NFAT5: variants seen among roughly 807,000 people sequenced by gnomAD.
The protein encoded by NFAT5 is nuclear factor of activated T-cells 5.
NFAT5 carries 31 observed loss-of-function variants against 166.5 expected under a neutral mutation model. The ratio of observed to expected loss-of-function variants is 0.19; its 90% CI spans 0.14 to 0.25. The LOEUF (loss-of-function observed/expected upper bound fraction) is 0.25. Among genes scored for constraint, NFAT5 ranks in the 10% least tolerant of loss-of-function variants. NFAT5 has a pLI of 1.00. For synonymous variants in NFAT5, 612 were observed against 639.7 expected, an observed-to-expected ratio of 0.96 and a Z score of 0.65; for missense variants, 1,449 against 1,821.8, an observed-to-expected ratio of 0.80 and a Z score of 3.72.
chr16:69,647,673 C>A lies in NFAT5; in HGVS notation c.812+87C>A. On this transcript the variant is annotated intron_variant, in intron 4 of 14. Coordinates refer to ENST00000349945, the MANE Select transcript of NFAT5 (RefSeq NM_138713.4). This position sits in a 1 kb window ranked among gnomAD's most constrained non-coding sequence, Gnocchi z 4.8. ...TTCCCAATTTTTCCTAATTGCTGAG[C>A]TCAAGTTTGCATATAAAGCAACAGT... 1 of 1,247,114 alleles carries A rather than the reference C, an allele frequency of 8.0e-7. No homozygotes were observed. The highest frequency in any genetic ancestry group is 1.1e-6 in the Non-Finnish European group (1 of 909,790). The allele number at this position is 1,247,114 out of a possible 1,614,324, so 77.3% of individuals were successfully genotyped here. A position where few individuals can be genotyped will look rare whatever the true frequency, so the allele number is the denominator to read the frequency against.
chr16:69,627,279 T>A (rs1352568449), intron 3 of NFAT5, among the ~76,000 whole-genome samples: 1 of 144,282 alleles, frequency 6.9e-6, no homozygotes, highest in Non-Finnish European at 1.5e-5. Flanking sequence ...CACCTAATAT[T>A]GGATTTATAG....
At chr16:69,658,463 A>G (rs1253598485) in intron 6 of NFAT5, among the ~76,000 whole-genome samples, 1 of 151,948 alleles carries the variant, frequency 6.6e-6, no homozygotes, top group Non-Finnish European at 1.5e-5. Flanking sequence ...AGCCTGGGCA[A>G]CAAGAGCGAA....
chr16:69,587,947 T>A (rs1036840431), intron 2 of NFAT5, among the ~76,000 whole-genome samples: 4 of 126,986 alleles, frequency 3.1e-5, no homozygotes, highest in Non-Finnish European at 6.4e-5. Context: ...GTGCTTTCTT[T>A]TTTTTTTTTT....
chr16:69,634,534 C>T (rs1419061280), intron 3 of NFAT5, among the ~76,000 whole-genome samples: 1 of 152,080 alleles, frequency 6.6e-6, no homozygotes, highest in Non-Finnish European at 1.5e-5. Context: ...ATATATGTAT[C>T]AAGTATGTGT....
intron 2 of NFAT5, among the ~76,000 whole-genome samples, chr16:69,584,312 CTG>C (rs1056109880): frequency 4.7e-5 from 7 of 149,582 alleles, no homozygotes; most frequent in African/African-American, 1.7e-4. Context: ...TGTATTTGTT[CTG>C]TGTCTCTTTT....
At chr16:69,658,304 G>A (rs978987292) in intron 6 of NFAT5, among the ~76,000 whole-genome samples, 17 of 151,644 alleles carry the variant, frequency 1.1e-4, no homozygotes, top group South Asian at 2.1e-4. Context: ...CCAACATGGC[G>A]AAACCCCATC....
chr16:69,657,683 C>T (rs1228821466), intron 6 of NFAT5, among the ~76,000 whole-genome samples: 3 of 138,288 alleles, frequency 2.2e-5, no homozygotes, highest in South Asian at 2.4e-4. Context: ...TGCTTGAAGC[C>T]GGGAGGTGGA....
chr16:69,590,168 T>C lies in NFAT5; in HGVS notation c.127+21620T>C, dbSNP rs965148498. On this transcript the variant is annotated intron_variant, in intron 2 of 14. Transcript: ENST00000349945. ...CAGCTTGGGCGACAGAATGAGACCC[T>C]GTCTCAAATAATAAAAAAATAAATA... Among the ~76,000 whole-genome samples, 16 of 152,288 alleles carry C rather than the reference T, an allele frequency of 1.1e-4. 2 individuals carry two copies. Among genetic ancestry groups the C allele is most frequent in the East Asian group, 3.9e-4 (2 of 5,188 alleles).
intron 9 of NFAT5, among the ~76,000 whole-genome samples, chr16:69,672,770 A>G (rs1397253058): frequency 6.6e-6 from 1 of 152,132 alleles, no homozygotes; most frequent in Non-Finnish European, 1.5e-5. Context: ...GTATGCTATG[A>G]ACATGTTTTG....
chr16:69,613,245 A>G (rs2033786486), intron 2 of NFAT5, among the ~76,000 whole-genome samples: 1 of 152,194 alleles, frequency 6.6e-6, no homozygotes, highest in African/African-American at 2.4e-5. Flanking sequence ...GCCTTGGTTC[A>G]GGATTTCATT....
At chr16:69,636,749 T>C (rs554595884) in intron 3 of NFAT5, among the ~76,000 whole-genome samples, 64 of 152,246 alleles carry the variant, frequency 4.2e-4, no homozygotes, top group South Asian at 2.3e-3. Context: ...ATGGGGACCC[T>C]GGGCCCAGCA....
At chr16:69,625,418 A>G (rs985990385) in intron 2 of NFAT5, among the ~76,000 whole-genome samples, 1 of 152,084 alleles carries the variant, frequency 6.6e-6, no homozygotes, top group Non-Finnish European at 1.5e-5. Context: ...ATCGTAATCT[A>G]ATATAGGTAT....
chr16:69,662,389 A>T (rs1039822034), intron 7 of NFAT5, among the ~76,000 whole-genome samples: 1 of 152,146 alleles, frequency 6.6e-6, no homozygotes, highest in Admixed American at 6.5e-5. Context: ...TGATTGGAAT[A>T]AAAAGATATA....
chr16:69,624,656 T>A (rs960770414), intron 2 of NFAT5, among the ~76,000 whole-genome samples: 4 of 152,210 alleles, frequency 2.6e-5, no homozygotes, highest in Non-Finnish European at 5.9e-5. Context: ...ACTTTAGTGA[T>A]TAACTAGGAA....
intron 3 of NFAT5, among the ~76,000 whole-genome samples, chr16:69,633,400 A>C (rs541551175): frequency 6.6e-6 from 1 of 152,322 alleles, no homozygotes; most frequent in Admixed American, 6.5e-5. Context: ...TTATATCACC[A>C]ACAAGATTGA....
At position 69,698,399 on chromosome 16, in the gene NFAT5, A is replaced by G. The variant is rs1172925854; in HGVS notation, c.*2048A>G. 1.3e-5 allele frequency: 2 copies of G among 152,130 alleles called. No individual in the cohort carries two copies. The highest frequency in any genetic ancestry group is 4.8e-5 in the African/African-American group (2 of 41,282). 9.4% of individuals were successfully genotyped at this position (152,130 alleles called of 1,614,324 possible). ...TAAATATAGAAATTTATATATATAC[A>G]TATATATAAACTATTCTTTTTTGCC... On this transcript the variant is annotated 3_prime_UTR_variant, in exon 15 of 15. Coordinates refer to ENST00000349945, the MANE Select transcript of NFAT5 (RefSeq NM_138713.4).
intron 11 of NFAT5, 91 bp downstream of exon 11, chr16:69,685,061 T>C: frequency 1.4e-6 from 1 of 704,792 alleles, no homozygotes. Flanking sequence ...TCTTAGGTAC[T>C]TATAATACTT....
At chr16:69,576,541 G>A (rs1172012630) in intron 2 of NFAT5, among the ~76,000 whole-genome samples, 1 of 152,072 alleles carries the variant, frequency 6.6e-6, no homozygotes, top group East Asian at 1.9e-4. Context: ...TTTGGTGAGT[G>A]TCTTTAACAT....
At chr16:69,670,532 ATCTT>A (rs952083120) in intron 9 of NFAT5, among the ~76,000 whole-genome samples, 1 of 152,224 alleles carries the variant, frequency 6.6e-6, no homozygotes, top group African/African-American at 2.4e-5. Flanking sequence ...AATAAACAAA[ATCTT>A]TCTTTCCTGA....
Sources: allele counts gnomAD v4.1 joint callset (sites outside exome capture counted in the v4.1 genomes callset), GRCh38; gene constraint gnomAD v4.1.1; non-coding constraint Gnocchi (gnomAD v3.1); transcripts MANE v1.5; gene names NCBI Gene and HGNC (gene_info 2026-07-23, HGNC 2026-07-21).